SYCP1: variants seen among roughly 807,000 people sequenced by gnomAD.
The protein encoded by SYCP1 is synaptonemal complex protein 1.
Under a neutral mutation model 153.1 loss-of-function variants are expected in SYCP1, and 64 were observed. The ratio of observed to expected loss-of-function variants is 0.42; its 90% confidence interval spans 0.34 to 0.51. The LOEUF is 0.51. Among genes scored for constraint, SYCP1 ranks in the 20% least tolerant of loss-of-function variants. The pLI is 0.06. For missense variants in SYCP1, 997 were observed against 1,049.0 expected (o/e 0.95, Z 0.68); for synonymous variants, 384 against 341.8 (o/e 1.12, Z -1.36).
chr1:114,898,202 A>G (rs897512718), intron 16 of SYCP1, among the ~76,000 whole-genome samples: 39 of 152,174 alleles, frequency 2.6e-4, no homozygotes, highest in Admixed American at 2.4e-3. Flanking sequence ...GGGGTGTTGC[A>G]TGGACTCCTT....
intron 25 of SYCP1, 23 bp downstream of exon 25, chr1:114,945,005 A>G (rs1670616213): frequency 1.0e-5 from 15 of 1,458,036 alleles, no homozygotes; most frequent in Non-Finnish European, 1.4e-5. Flanking sequence ...TTCTTATATA[A>G]TGAAAATTAT....
chr1:114,914,296 A>G (rs1186916083), intron 20 of SYCP1, among the ~76,000 whole-genome samples: 1 of 151,978 alleles, frequency 6.6e-6, no homozygotes, highest in Non-Finnish European at 1.5e-5. Flanking sequence ...ATTCTTTAAT[A>G]TTTAATTAAG....
At chr1:114,898,676 AC>A (rs1278284234) in intron 16 of SYCP1, among the ~76,000 whole-genome samples, 1 of 152,210 alleles carries the variant, frequency 6.6e-6, no homozygotes, top group Non-Finnish European at 1.5e-5. Flanking sequence ...TGCTAAAAAA[AC>A]AAATCATGAT....
At chr1:114,858,988 GT>G (rs1420089712) in intron 6 of SYCP1, among the ~76,000 whole-genome samples, 1 of 152,128 alleles carries the variant, frequency 6.6e-6, no homozygotes, top group East Asian at 1.9e-4. Flanking sequence ...ATTATAAAGA[GT>G]TTCAATTTTT....
chr1:114,857,136 C>CAAGAAAA, intron 3 of SYCP1, 96 bp from the exon 4 acceptor site: 12 of 242,704 alleles, frequency 4.9e-5, no homozygotes, highest in South Asian at 1.0e-4. Flanking sequence ...CTCTCTCTCT[C>CAAGAAAA]AAAAAAAAAA....
intron 21 of SYCP1, 127 bp from the exon 22 acceptor site, chr1:114,926,151 T>C (rs1669235878): frequency 7.7e-6 from 5 of 646,786 alleles, no homozygotes; most frequent in Non-Finnish European, 1.1e-5. Context: ...ATTTTTATAT[T>C]AATGGAATTA....
intron 20 of SYCP1, among the ~76,000 whole-genome samples, chr1:114,914,627 T>C (rs1010723637): frequency 4.8e-4 from 73 of 152,262 alleles, no homozygotes; most frequent in African/African-American, 1.7e-3. Context: ...TGCACAGATA[T>C]GCAGAGGCAA....
intron 16 of SYCP1, among the ~76,000 whole-genome samples, chr1:114,905,840 C>T (rs1049174381): frequency 1.3e-5 from 2 of 152,122 alleles, no homozygotes; most frequent in Admixed American, 6.6e-5. Context: ...CCATTTCCCC[C>T]AAGTTGTCAA....
chr1:114,949,777 C>T (rs11102855), intron 27 of SYCP1, among the ~76,000 whole-genome samples: 30,789 of 152,142 alleles, frequency 0.2, 3,575 homozygotes, highest in Non-Finnish European at 0.26. Flanking sequence ...TCACCTATTA[C>T]AATTTAGCTA....
chr1:114,947,441 T>G, intron 27 of SYCP1, 121 bp downstream of exon 27: 1 of 686,690 alleles, frequency 1.5e-6, no homozygotes, highest in Non-Finnish European at 2.4e-6. Context: ...GAGAAAATAA[T>G]TTTCCCCCAG....
At chr1:114,980,108 A>G (rs542405761) in intron 28 of SYCP1, among the ~76,000 whole-genome samples, 7 of 151,958 alleles carry the variant, frequency 4.6e-5, no homozygotes, top group African/African-American at 1.7e-4. Flanking sequence ...AGGAGAACTG[A>G]AAGAACACGA....
At position 114,913,123 on chromosome 1, in the gene SYCP1, A is replaced by G; in HGVS notation, c.1620A>G (p.Glu540=). The change falls in exon 19 of 32, where the codon GAA becomes GAG. Residue 540 remains glutamate (E), a synonymous_variant. Coordinates refer to ENST00000369522, the MANE Select transcript of SYCP1 (RefSeq NM_003176.4). ...LTQETSDMTL[E]LKNQQEDINN... is the part of the protein sequence containing the mutation. Reference sequence around the variant, plus strand: ...AGGAAACAAGTGATATGACCCTAGAACTCAAGAATCAGCAAGAAGATATTA... The same window carrying G: ...AGGAAACAAGTGATATGACCCTAGAGCTCAAGAATCAGCAAGAAGATATTA... 1 of 1,611,464 alleles carries G rather than the reference A, an allele frequency of 6.2e-7. No homozygotes were observed. Among genetic ancestry groups the G allele is most frequent in the Non-Finnish European group, 8.5e-7 (1 of 1,178,614 alleles).
intron 27 of SYCP1, among the ~76,000 whole-genome samples, chr1:114,971,707 A>G (rs1270236800): frequency 6.6e-6 from 1 of 152,156 alleles, no homozygotes; most frequent in East Asian, 1.9e-4. Context: ...ATGGTTTGAT[A>G]TGATATATCA....
rs759441178 is a variant in SYCP1 at position 114,866,508 on chromosome 1, T to C, written c.598+5699T>C. Among the ~76,000 whole-genome samples, 3 of 152,162 alleles carry C rather than the reference T, an allele frequency of 2.0e-5. No homozygotes were observed. The South Asian group carries it at 6.2e-4, about 32-fold the overall frequency. On this transcript the variant is annotated intron_variant, in intron 8 of 31. Transcript: ENST00000369522. ...GGTAAGGTGTCTGTTAAGGTCTTTGTCCCATTTTTTAATCAGGTTGCATGT... is the reference window on the plus strand; with the variant it reads ...GGTAAGGTGTCTGTTAAGGTCTTTGCCCCATTTTTTAATCAGGTTGCATGT...
At chr1:114,854,476 A>G (rs1311207175), upstream of SYCP1, among the ~76,000 whole-genome samples, 2 of 152,204 alleles carry the variant, frequency 1.3e-5, no homozygotes, top group Admixed American at 1.3e-4. Flanking sequence ...TGAAACAGTA[A>G]CAGAACTATA....
Position 114,911,582 on chromosome 1 carries a change from A to C in SYCP1, c.1529A>C (p.Lys510Thr). 6.8e-7 allele frequency: 1 copy of C among 1,474,748 alleles called. No individual in the cohort carries two copies. The highest frequency in any genetic ancestry group is 9.0e-7 in the Non-Finnish European group (1 of 1,107,958). The allele number at this position is 1,474,748 out of a possible 1,614,324, so 91.4% of individuals were successfully genotyped here. Reference sequence around the variant, plus strand: ...CTAAAAACTGAGCTTGAAAACGAGAAGTATGTTTTCCATTTATCTAAAAAT... The same window carrying C: ...CTAAAAACTGAGCTTGAAAACGAGACGTATGTTTTCCATTTATCTAAAAAT... ...KDLKTELENE[K>T]LKNTELTSHC... is the part of the protein sequence containing the mutation. Residue 510 changes from lysine to threonine, a missense_variant and splice_region_variant, in exon 18 of 32, where the codon AAG (lysine) becomes ACG (threonine). Around this residue, in one of 2 missense-constraint regions of SYCP1, gnomAD observed 712 missense variants for 682.9 expected, o/e 1.04. Coordinates refer to ENST00000369522, the MANE Select transcript of SYCP1 (RefSeq NM_003176.4).
rs570285646 is a variant in SYCP1, at chr1:114,929,512, G to T, written c.1926+2949G>T. Among the ~76,000 whole-genome samples the T allele has an allele frequency of 2.6e-5, 4 of 151,714 alleles. No individual in the cohort carries two copies. In the South Asian group the frequency reaches 8.3e-4, roughly 32 times the overall value. ...GTTTAAAGGAAAAAGATGAAGGAAA[G>T]AAATACTATCATGCCAATAGTAAGC... is the stretch of plus-strand genomic sequence containing the variant. On this transcript the variant is annotated intron_variant, in intron 23 of 31. Coordinates refer to ENST00000369522, the MANE Select transcript of SYCP1 (RefSeq NM_003176.4).
chr1:114,946,358 C>G lies in SYCP1; in HGVS notation c.2224C>G (p.Gln742Glu). The G allele has an allele frequency of 6.3e-7, 1 of 1,587,938 alleles. No individual in the cohort carries two copies. Among genetic ancestry groups the G allele is most frequent in the East Asian group, 2.4e-5 (1 of 42,178 alleles). Residue 742 changes from glutamine to glutamate, a missense_variant, in exon 26 of 32, where the codon CAG becomes GAG. Gln to Glu is a conservative substitution (Grantham distance 29). This residue lies in a region of SYCP1 where 712 missense variants were observed against 682.9 expected (regional missense o/e 1.04). Transcript: ENST00000369522. ...ACTTTATAAGAGCAAAGAACAAGAA[C>G]AGTCATCACTGAGAGCATCTTTGGT... ...LGLYKSKEQEQSSLRASLEIE... is the reference protein window; with the variant it reads ...LGLYKSKEQEESSLRASLEIE...
At position 114,874,561 on chromosome 1, in the gene SYCP1, T is replaced by G; in HGVS notation, c.654T>G (p.Ile218Met). 6.4e-7 allele frequency: 1 copy of G among 1,568,836 alleles called. No homozygotes were observed. The highest frequency in any genetic ancestry group is 1.2e-5 in the South Asian group (1 of 83,184). ...RQVYMDLNNN[I>M]EKMITAFEEL... The stretch of plus-strand genomic sequence containing the variant: ...TTTATATGGATCTAAATAATAACAT[T>G]GAGGTGAGTGTTAATGAAATCTGAG... The change falls in exon 9 of 32, where the codon ATT (isoleucine) becomes ATG (methionine). Residue 218 changes from isoleucine (I) to methionine (M), a missense_variant. Physicochemically the swap from Ile to Met is conservative, Grantham distance 10 (BLOSUM62 1). This residue lies in a region of SYCP1 where 285 missense variants were observed against 366.1 expected (regional missense o/e 0.78). Transcript: ENST00000369522.
Sources: allele counts gnomAD v4.1 joint callset (sites outside exome capture counted in the v4.1 genomes callset), GRCh38; gene constraint gnomAD v4.1.1; regional missense constraint gnomAD v4.1.1; transcripts MANE v1.5; gene names NCBI Gene and HGNC (gene_info 2026-07-23, HGNC 2026-07-21).